Variants in ZSWIM5 observed in about 807,000 individuals in gnomAD.
The protein encoded by ZSWIM5 is zinc finger SWIM-type containing 5, also known as zinc finger SWIM domain-containing protein 5.
ZSWIM5 carries 55 observed loss-of-function variants against 119.6 expected under a neutral mutation model. The observed-to-expected ratio is 0.46, with a 90% CI of 0.37 to 0.58. The LOEUF (loss-of-function observed/expected upper bound fraction) is 0.58, where lower values mean the gene tolerates loss of function less well. ZSWIM5 is among the 20% of genes least tolerant of loss of function. The pLI is 0.00. For synonymous variants in ZSWIM5, 537 were observed against 606.9 expected, an observed-to-expected ratio of 0.88 and a Z score of 1.69; for missense variants, 1,193 against 1,512.8, an observed-to-expected ratio of 0.79 and a Z score of 3.51.
chr1:45,185,702 A>G (rs962819629), intron 1 of ZSWIM5, among the ~76,000 whole-genome samples: 1 of 152,220 alleles, frequency 6.6e-6, no homozygotes, highest in African/African-American at 2.4e-5. Context: ...CCACAATGAG[A>G]TACCATCTCA....
At chr1:45,066,830 G>A (rs1377974702) in intron 2 of ZSWIM5, among the ~76,000 whole-genome samples, 4 of 152,312 alleles carry the variant, frequency 2.6e-5, no homozygotes, top group South Asian at 4.1e-4. Flanking sequence ...AGCAATTTAC[G>A]TGAGAGATTA....
chr1:45,044,009 C>T (rs1314035363), intron 5 of ZSWIM5, among the ~76,000 whole-genome samples: 2 of 151,976 alleles, frequency 1.3e-5, no homozygotes, highest in Non-Finnish European at 2.9e-5. Context: ...CATAGCAAGA[C>T]ACTGTCTCTA....
chr1:45,024,573 GGTGTT>G (rs1168355098), intron 11 of ZSWIM5, among the ~76,000 whole-genome samples: 1 of 151,646 alleles, frequency 6.6e-6, no homozygotes, highest in Middle Eastern at 3.4e-3. Context: ...TTGTGCTTTT[GGTGTT>G]GTATCTAAAA....
At chr1:45,205,648 A>C in intron 1 of ZSWIM5, 108 bp downstream of exon 1, 3 of 1,174,710 alleles carry the variant, frequency 2.6e-6, no homozygotes, top group Non-Finnish European at 3.4e-6. Context: ...CGGCAGGGGT[A>C]CAGGAGTTGG....
intron 1 of ZSWIM5, among the ~76,000 whole-genome samples, chr1:45,092,783 A>C (rs1440007484): frequency 1.3e-5 from 2 of 152,206 alleles, no homozygotes; most frequent in African/African-American, 4.8e-5. Context: ...ATTGACTGAA[A>C]AGTCTTACAA....
At chr1:45,205,291 C>CT (rs1646180853) in intron 1 of ZSWIM5, among the ~76,000 whole-genome samples, 1 of 152,070 alleles carries the variant, frequency 6.6e-6, no homozygotes, top group Non-Finnish European at 1.5e-5. Flanking sequence ...TTTGTTGGGG[C>CT]TTTTTTCCCA....
chr1:45,138,894 C>CTTTT (rs34851118), intron 1 of ZSWIM5, among the ~76,000 whole-genome samples: 1 of 140,618 alleles, frequency 7.1e-6, no homozygotes, highest in African/African-American at 2.6e-5. Flanking sequence ...TTTTCTTTTT[C>CTTTT]TTTTTTTTTT....
intron 1 of ZSWIM5, among the ~76,000 whole-genome samples, chr1:45,109,782 C>T (rs1237794411): frequency 1.3e-5 from 2 of 151,814 alleles, no homozygotes; most frequent in East Asian, 3.9e-4. Flanking sequence ...ACATATACTA[C>T]TTCTTCAGAA....
intron 1 of ZSWIM5, among the ~76,000 whole-genome samples, chr1:45,162,831 C>T (rs1349979627): frequency 6.6e-6 from 1 of 152,362 alleles, no homozygotes; most frequent in South Asian, 2.1e-4. Context: ...GAAGCTCAAA[C>T]TGGGTGGAGC....
chr1:45,070,271 A>G lies in ZSWIM5; in HGVS notation c.953-10024T>C. 2.0e-6 allele frequency: 3 copies of G among 1,465,602 alleles called. No individual in the cohort carries two copies. In the Admixed American group the frequency reaches 5.0e-5, roughly 25 times the overall value. 90.8% of individuals were successfully genotyped at this position (1,465,602 alleles called of 1,614,324 possible). The stretch of plus-strand genomic sequence containing the variant: ...CAGAACCAACACTTGGAGGTTCAAC[A>G]ATAACATCATAAATTATTCCTCTGG... On this transcript the variant is annotated intron_variant, in intron 2 of 13. Transcript: ENST00000359600.
chr1:45,191,602 CCCT>C (rs1473657200), intron 1 of ZSWIM5, among the ~76,000 whole-genome samples: 4 of 152,272 alleles, frequency 2.6e-5, no homozygotes, highest in Non-Finnish European at 5.9e-5. Context: ...GACTTCTCTG[CCCT>C]CCTAATTGTG....
At chr1:45,069,173 T>A (rs1466808802) in intron 2 of ZSWIM5, among the ~76,000 whole-genome samples, 1 of 151,966 alleles carries the variant, frequency 6.6e-6, no homozygotes, top group Non-Finnish European at 1.5e-5. Context: ...ATGCCTGTAA[T>A]CCCAGCACTT....
chr1:45,058,880 C>T, intron 3 of ZSWIM5, 121 bp from the exon 4 acceptor site: 1 of 1,123,870 alleles, frequency 8.9e-7, no homozygotes, highest in Non-Finnish European at 1.3e-6. Context: ...CCAAAAGAGC[C>T]AGAAAGAAGG....
intron 1 of ZSWIM5, among the ~76,000 whole-genome samples, chr1:45,172,479 A>G (rs1205345480): frequency 6.6e-6 from 1 of 152,176 alleles, no homozygotes; most frequent in Non-Finnish European, 1.5e-5. Context: ...AAAAGCTGAA[A>G]AAGTGCTAAT....
intron 4 of ZSWIM5, among the ~76,000 whole-genome samples, chr1:45,052,725 AT>A (rs1178279043): frequency 6.6e-6 from 1 of 150,984 alleles, no homozygotes; most frequent in African/African-American, 2.4e-5. Flanking sequence ...GTGAGCCGAG[AT>A]CACACCACTG....
chr1:45,149,168 G>A (rs984860941), intron 1 of ZSWIM5, among the ~76,000 whole-genome samples: 7 of 151,934 alleles, frequency 4.6e-5, no homozygotes, highest in Admixed American at 1.3e-4. Context: ...TGATACTAAA[G>A]CAGGAGGGCT....
intron 2 of ZSWIM5, among the ~76,000 whole-genome samples, chr1:45,087,449 A>T (rs889917399): frequency 6.6e-6 from 1 of 152,246 alleles, no homozygotes; most frequent in Non-Finnish European, 1.5e-5. Flanking sequence ...CAATGCTAAC[A>T]CATGCTCCTT....
In ZSWIM5 at chr1:45,039,664, C is replaced by A. The variant is rs1237358465; in HGVS notation, c.1757-591G>T. ...CCTACCAAAGTCCTGGGATTACAGG[C>A]GTGAGCCACTGTGCCTGGCATATTT... On this transcript the variant is annotated intron_variant, in intron 7 of 13. Transcript: ENST00000359600. Among the ~76,000 whole-genome samples the A allele has an allele frequency of 4.6e-5, 7 of 152,108 alleles. No homozygotes were observed. In the South Asian group the frequency reaches 1.0e-3, roughly 23 times the overall value.
intron 1 of ZSWIM5, among the ~76,000 whole-genome samples, chr1:45,170,591 A>G (rs2149045129): frequency 6.6e-6 from 1 of 151,398 alleles, no homozygotes; most frequent in South Asian, 2.1e-4. Context: ...TGCCTGGCTA[A>G]TTTTTTTACT....
Sources: allele counts gnomAD v4.1 joint callset (sites outside exome capture counted in the v4.1 genomes callset), GRCh38; gene constraint gnomAD v4.1.1; transcripts MANE v1.5; gene names NCBI Gene and HGNC (gene_info 2026-07-23, HGNC 2026-07-21).